Variants in NCCRP1 observed in about 807,000 individuals in gnomAD.
The protein encoded by NCCRP1 is F-box only protein 50.
In NCCRP1, 32 loss-of-function variants were observed where a neutral mutation model predicts 34.4. The ratio of observed to expected loss-of-function variants is 0.93; its 90% CI spans 0.70 to 1.25. The LOEUF (loss-of-function observed/expected upper bound fraction) is 1.25, where lower values mean the gene tolerates loss of function less well. Among genes scored for constraint, NCCRP1 ranks in the 50% most tolerant of loss-of-function variants. The pLI is 0.00. For synonymous variants in NCCRP1, 172 were observed against 180.1 expected, an observed-to-expected ratio of 0.95 and a Z score of 0.36; for missense variants, 372 against 391.8, an observed-to-expected ratio of 0.95 and a Z score of 0.43.
intron 3 of NCCRP1, 58 bp from the exon 4 acceptor site, chr19:39,199,112 C>A: frequency 6.5e-7 from 1 of 1,530,954 alleles, no homozygotes; most frequent in South Asian, 1.1e-5. Context: ...ACAGGGCTTC[C>A]TGCTCCCTGG....
At chr19:39,198,880 T>TG (rs576666821) in intron 3 of NCCRP1, among the ~76,000 whole-genome samples, 632 of 152,256 alleles carry the variant, frequency 4.2e-3, no homozygotes, top group Admixed American at 6.9e-3. Context: ...TGGTGTGACT[T>TG]GGAGGCTCAG....
Position 39,200,641 on chromosome 19 carries a change from G to A in NCCRP1, c.713G>A (p.Gly238Asp). 1 of 1,614,108 alleles carries A rather than the reference G, an allele frequency of 6.2e-7. No individual in the cohort carries two copies. Among genetic ancestry groups the A allele is most frequent in the Non-Finnish European group, 8.5e-7 (1 of 1,180,036 alleles). The change falls in exon 6 of 6, where the codon GGT (glycine) becomes GAT (aspartate). Residue 238 changes from glycine to aspartate, a missense_variant. By Grantham distance (94) the Gly-to-Asp change is moderately conservative. Coordinates refer to ENST00000339852, the MANE Select transcript of NCCRP1 (RefSeq NM_001001414.2). The surrounding 1 kb of genome is among the most constrained non-coding windows in gnomAD (Gnocchi z 5.8). ...GTGTCCCACGTATTCCGCCATTATG[G>A]TCCCGGTGTGCGCTTTATCCACTTC... is the stretch of plus-strand genomic sequence containing the variant. ...VQVSHVFRHY[G>D]PGVRFIHFLH...
At chr19:39,198,843 A>G (rs1199510621) in intron 3 of NCCRP1, among the ~76,000 whole-genome samples, 1 of 152,144 alleles carries the variant, frequency 6.6e-6, no homozygotes, top group East Asian at 1.9e-4. Context: ...CATGAAACAG[A>G]GCCTTGCTCC....
intron 3 of NCCRP1, 57 bp downstream of exon 3, chr19:39,198,310 C>T (rs2074772152): frequency 5.7e-6 from 9 of 1,576,388 alleles, no homozygotes; most frequent in Non-Finnish European, 7.9e-6. Context: ...CCCTTCCTCA[C>T]TGTGAGACCT....
At chr19:39,199,128 G>A (rs1326940508) in intron 3 of NCCRP1, 42 bp from the exon 4 acceptor site, 1 of 1,579,776 alleles carries the variant, frequency 6.3e-7, no homozygotes. Context: ...CCTGGATCCT[G>A]GCAGATCGCA....
intron 4 of NCCRP1, 40 bp downstream of exon 4, chr19:39,199,305 G>T: frequency 6.4e-7 from 1 of 1,568,890 alleles, no homozygotes. Flanking sequence ...CCGTGATCGC[G>T]CAGGGCTGCC....
Position 39,200,288 on chromosome 19 carries a change from G to C in NCCRP1, c.549-58G>C. ...TGTTGAATGGGGAATGGGGCCAGGG[G>C]CTGGGGCTGGGTAGCTGAGACTGCA... On this transcript the variant is annotated intron_variant, in intron 4 of 5. Coordinates refer to ENST00000339852, the MANE Select transcript of NCCRP1 (RefSeq NM_001001414.2). The surrounding 1 kb of genome is among the most constrained non-coding windows in gnomAD (Gnocchi z 5.8). The C allele has an allele frequency of 6.3e-7, 1 of 1,597,566 alleles. No homozygotes were observed. The highest frequency in any genetic ancestry group is 8.5e-7 in the Non-Finnish European group (1 of 1,171,646).
intron 3 of NCCRP1, among the ~76,000 whole-genome samples, chr19:39,198,664 G>A (rs1054991493): frequency 1.3e-5 from 2 of 152,218 alleles, no homozygotes; most frequent in East Asian, 3.9e-4. Flanking sequence ...TCACCATGTT[G>A]GCCAGGCTGG....
chr19:39,197,381 C>T, intron 1 of NCCRP1, 62 bp downstream of exon 1: 2 of 1,294,462 alleles, frequency 1.5e-6, no homozygotes, highest in Non-Finnish European at 2.0e-6. Context: ...TTCCTCTTTC[C>T]CTGTTTCCTT....
rs1226436750 is a variant in NCCRP1 at position 39,197,178 on chromosome 19, G to A, written c.196G>A (p.Glu66Lys). The A allele has an allele frequency of 2.8e-6, 4 of 1,431,512 alleles. No individual in the cohort carries two copies. In the African/African-American group the frequency reaches 6.0e-5, roughly 22 times the overall value. 88.7% of individuals were successfully genotyped at this position (1,431,512 alleles called of 1,614,324 possible). A position where few individuals can be genotyped will look rare whatever the true frequency, so the allele number is the denominator to read the frequency against. ...PELPEPAQPS[E>K]AHARQLLLEE... ...GCTCCCCGAGCCGGCGCAGCCGTCC[G>A]AGGCTCACGCCCGGCAGCTGCTGCT... is the stretch of plus-strand genomic sequence containing the variant. Residue 66 changes from glutamate to lysine, a missense_variant, in exon 1 of 6, where the codon GAG (glutamate) becomes AAG (lysine). Glu to Lys is a moderately conservative substitution (Grantham distance 56, BLOSUM62 1). Transcript: ENST00000339852.
Position 39,200,516 on chromosome 19 carries a change from C to T in NCCRP1, c.687+32C>T, listed in dbSNP as rs376147535. The T allele has an allele frequency of 1.6e-5, 26 of 1,611,324 alleles. No homozygotes were observed. Among genetic ancestry groups the T allele is most frequent in the Non-Finnish European group, 2.0e-5 (24 of 1,178,994 alleles). ...CTCTCCGCGCCGGGGCCCTCAACCC[C>T]AGACGTGTGTTCTTGTCCCAAGACC... On this transcript the variant is annotated intron_variant, in intron 5 of 5. Transcript: ENST00000339852. The surrounding 1 kb of genome is among the most constrained non-coding windows in gnomAD (Gnocchi z 5.8).
chr19:39,199,332 C>T (rs927952223), intron 4 of NCCRP1, 67 bp downstream of exon 4: 9 of 1,423,138 alleles, frequency 6.3e-6, no homozygotes, highest in South Asian at 1.2e-5. Flanking sequence ...ATGAGCCTTA[C>T]TCTGAGCTCC....
At position 39,200,467 on chromosome 19, in the gene NCCRP1, C is replaced by G; in HGVS notation, c.670C>G (p.Pro224Ala). ...VAPRTSGRGP[P>A]GRWVQVSHVF... is the part of the protein sequence containing the mutation. ...CCCCCGAACTTCTGGGAGAGGACCC[C>G]CTGGCCGCTGGGTCCAGGTGAGACT... The change falls in exon 5 of 6, where the codon CCT becomes GCT. Residue 224 changes from proline (P) to alanine (A), a missense_variant. Coordinates refer to ENST00000339852, the MANE Select transcript of NCCRP1 (RefSeq NM_001001414.2). The surrounding 1 kb of genome is among the most constrained non-coding windows in gnomAD (Gnocchi z 5.8). The G allele has an allele frequency of 6.2e-7, 1 of 1,613,464 alleles. No homozygotes were observed. Among genetic ancestry groups the G allele is most frequent in the Non-Finnish European group, 8.5e-7 (1 of 1,180,028 alleles).
At chr19:39,199,996 C>A (rs1048685493) in intron 4 of NCCRP1, among the ~76,000 whole-genome samples, 1 of 151,904 alleles carries the variant, frequency 6.6e-6, no homozygotes. Flanking sequence ...CTGCCTGGGT[C>A]CCCAATTCCG....
At chr19:39,199,085 C>T (rs1440012590) in intron 3 of NCCRP1, 85 bp from the exon 4 acceptor site, 1 of 1,304,768 alleles carries the variant, frequency 7.7e-7, no homozygotes, top group Non-Finnish European at 1.1e-6. Flanking sequence ...CCAAGCTATC[C>T]CTAAGAAAGC....
In NCCRP1 at chr19:39,198,071, C is replaced by T. The variant is rs2074770513; in HGVS notation, c.356C>T (p.Pro119Leu). 2 of 1,613,838 alleles carry T rather than the reference C, an allele frequency of 1.2e-6. No homozygotes were observed. Among genetic ancestry groups the T allele is most frequent in the Non-Finnish European group, 1.7e-6 (2 of 1,180,006 alleles). The stretch of plus-strand genomic sequence containing the variant: ...ATTTCAGGCATCAACATTTATGAGC[C>T]AGCACCCCCTACTGGTCCCACCCAG... The part of the protein sequence containing the change: ...PNPEGINIYE[P>L]APPTGPTQRP... The change falls in exon 2 of 6, where the codon CCA becomes CTA. Residue 119 changes from proline (P) to leucine (L), a missense_variant. Physicochemically the swap from Pro to Leu is moderately conservative, Grantham distance 98. Transcript: ENST00000339852.
At position 39,200,975 on chromosome 19, in the gene NCCRP1, T is replaced by C. The variant is rs2074786046; in HGVS notation, c.*219T>C. 1 of 564,454 alleles carries C rather than the reference T, an allele frequency of 1.8e-6. No homozygotes were observed. The highest frequency in any genetic ancestry group is 3.4e-5 in the Admixed American group (1 of 29,612). The allele number at this position is 564,454 out of a possible 1,614,324, so 35.0% of individuals were successfully genotyped here. ...CCTTGTAAATTCAGTGCCCGACAGA[T>C]GCTCTGGCACAGATGCTTTGTAGAT... On this transcript the variant is annotated 3_prime_UTR_variant, in exon 6 of 6. Coordinates refer to ENST00000339852, the MANE Select transcript of NCCRP1 (RefSeq NM_001001414.2). The surrounding 1 kb of genome is among the most constrained non-coding windows in gnomAD (Gnocchi z 5.8).
Position 39,200,978 on chromosome 19 carries a change from T to C in NCCRP1, c.*222T>C, listed in dbSNP as rs1394082209. On this transcript the variant is annotated 3_prime_UTR_variant, in exon 6 of 6. Transcript: ENST00000339852. The surrounding 1 kb of genome is among the most constrained non-coding windows in gnomAD (Gnocchi z 5.8). The stretch of plus-strand genomic sequence containing the variant: ...TGTAAATTCAGTGCCCGACAGATGC[T>C]CTGGCACAGATGCTTTGTAGATCTC... The C allele has an allele frequency of 5.4e-6, 3 of 553,738 alleles. No individual in the cohort carries two copies. The highest frequency in any genetic ancestry group is 3.8e-5 in the African/African-American group (2 of 52,872). The allele number at this position is 553,738 out of a possible 1,614,324, so 34.3% of individuals were successfully genotyped here. A position where few individuals can be genotyped will look rare whatever the true frequency, so the allele number is the denominator to read the frequency against.
At chr19:39,198,021 G>T (rs2144930878) in intron 1 of NCCRP1, 32 bp from the exon 2 acceptor site, 2 of 1,610,638 alleles carry the variant, frequency 1.2e-6, no homozygotes, top group Admixed American at 1.7e-5. Context: ...TGGAGGGGCT[G>T]CCCAGAGGCT....
Sources: gnomAD v4.1 joint callset for allele counts (sites outside exome capture counted in the v4.1 genomes callset) on GRCh38, gnomAD v4.1.1 for gene constraint, Gnocchi (gnomAD v3.1) non-coding constraint, MANE v1.5 for transcripts, NCBI Gene and HGNC (gene_info 2026-07-23, HGNC 2026-07-21) for gene names.